ZDHHC21: variants seen among roughly 807,000 people sequenced by gnomAD.
ZDHHC21 encodes palmitoyltransferase ZDHHC21.
A neutral mutation model predicts 34.6 loss-of-function variants in ZDHHC21; 15 were observed. The observed-to-expected ratio is 0.43, with a 90% CI of 0.29 to 0.67. The LOEUF (loss-of-function observed/expected upper bound fraction) is 0.67. Ranked by LOEUF, ZDHHC21 falls within the 30% of genes least tolerant of loss-of-function variation. The pLI is 0.14. For synonymous variants in ZDHHC21, 142 were observed against 101.8 expected (o/e 1.40, Z -2.38); for missense variants, 344 against 327.7 (o/e 1.05, Z -0.38).
chr9:14,606,876 G>A (rs1823029837), downstream of ZDHHC21, among the ~76,000 whole-genome samples: 1 of 151,934 alleles, frequency 6.6e-6, no homozygotes, highest in Admixed American at 6.6e-5. Context: ...CTATTACTTT[G>A]CTACAAATTT....
In ZDHHC21 at chr9:14,629,468, T is replaced by C. The variant is rs79934824; in HGVS notation, c.622-9786A>G. Among the ~76,000 whole-genome samples the C allele has an allele frequency of 1.0e-3, 153 of 152,310 alleles. 1 individual carries two copies. The highest frequency in any genetic ancestry group is 3.5e-3 in the African/African-American group (147 of 41,562). On this transcript the variant is annotated intron_variant, in intron 8 of 9. Transcript: ENST00000380916. Reference sequence around the variant, plus strand: ...CTCGAAGATATTGCAGGTTTGGTTCTAAACAATGAAGCGAGTATTGCAATA... The same window carrying C: ...CTCGAAGATATTGCAGGTTTGGTTCCAAACAATGAAGCGAGTATTGCAATA...
At chr9:14,597,966 G>A in the ZDHHC21 span, among the ~76,000 whole-genome samples, 1 of 152,108 alleles carries the variant, frequency 6.6e-6, no homozygotes, top group African/African-American at 2.4e-5. Context: ...TGCCTGCCCA[G>A]CTCACTGCCA....
the ZDHHC21 span, among the ~76,000 whole-genome samples, chr9:14,605,537 T>C: frequency 6.6e-6 from 1 of 151,444 alleles, no homozygotes; most frequent in Non-Finnish European, 1.5e-5. Flanking sequence ...AGTCTTTATA[T>C]GGATTTTTTT....
At chr9:14,606,800 A>G (rs1414452384), downstream of ZDHHC21, among the ~76,000 whole-genome samples, 4 of 152,162 alleles carry the variant, frequency 2.6e-5, no homozygotes, top group Non-Finnish European at 5.9e-5. Context: ...TTTGACAAGC[A>G]AAGGTAACCT....
Position 14,680,162 on chromosome 9 carries a change from C to A in ZDHHC21, c.-175G>T, listed in dbSNP as rs901853373. The A allele has an allele frequency of 2.0e-5, 3 of 152,228 alleles. No homozygotes were observed. Among genetic ancestry groups the A allele is most frequent in the African/African-American group, 7.3e-5 (3 of 41,348 alleles). The allele number at this position is 152,228 out of a possible 1,614,324, so 9.4% of individuals were successfully genotyped here. A position where few individuals can be genotyped will look rare whatever the true frequency, so the allele number is the denominator to read the frequency against. On this transcript the variant is annotated splice_region_variant and 5_prime_UTR_variant, in exon 3 of 10. Coordinates refer to ENST00000380916, the MANE Select transcript of ZDHHC21 (RefSeq NM_178566.6). The stretch of plus-strand genomic sequence containing the variant: ...CTTCAATAACAGTTCTCCATGAGAA[C>A]CTATTCATGGTTTAACAAACAATGA...
chr9:14,610,729 T>C (rs1823187791), downstream of ZDHHC21, among the ~76,000 whole-genome samples: 1 of 151,960 alleles, frequency 6.6e-6, no homozygotes, highest in African/African-American at 2.4e-5. Context: ...AAGTAAATTA[T>C]TCCCCTCAAG....
rs1228561518 is a variant in ZDHHC21 at position 14,613,633 on chromosome 9, AACG to A, written c.*5330_*5332del. ...AAAATCAGTGTTGAACTGTTATAAG[AACG>A]ACATTACATGTTACAGATATTCAAA... On this transcript the variant is annotated 3_prime_UTR_variant, in exon 10 of 10. Transcript: ENST00000380916. The A allele has an allele frequency of 6.6e-6, 1 of 151,856 alleles. No homozygotes were observed. Among genetic ancestry groups the A allele is most frequent in the Non-Finnish European group, 1.5e-5 (1 of 67,808 alleles). The allele number at this position is 151,856 out of a possible 1,614,324, so 9.4% of individuals were successfully genotyped here. A position where few individuals can be genotyped will look rare whatever the true frequency, so the allele number is the denominator to read the frequency against.
At chr9:14,627,620 A>T (rs1826501235) in intron 8 of ZDHHC21, among the ~76,000 whole-genome samples, 1 of 152,190 alleles carries the variant, frequency 6.6e-6, no homozygotes, top group African/African-American at 2.4e-5. Context: ...TAAACTCCAC[A>T]GAGCCCAGAA....
intron 5 of ZDHHC21, among the ~76,000 whole-genome samples, chr9:14,663,493 AT>A (rs35050957): frequency 0.18 from 24,918 of 136,488 alleles, 2,360 homozygotes; most frequent in East Asian, 0.36. Flanking sequence ...CAGATTACAG[AT>A]TTTTTTTTTT....
In ZDHHC21 at chr9:14,673,767, G is replaced by T. The variant is rs537764905; in HGVS notation, c.154+420C>A. Among the ~76,000 whole-genome samples the T allele has an allele frequency of 2.6e-5, 4 of 152,106 alleles. No individual in the cohort carries two copies. The South Asian group carries it at 8.3e-4, about 32-fold the overall frequency. On this transcript the variant is annotated intron_variant, in intron 4 of 9. Coordinates refer to ENST00000380916, the MANE Select transcript of ZDHHC21 (RefSeq NM_178566.6). ...CCAATTGACTAATAACTATCCAGAA[G>T]TTCCAAGTGTTATCATAATCAACTT...
At chr9:14,682,331 A>G (rs1477651190) in intron 2 of ZDHHC21, among the ~76,000 whole-genome samples, 1 of 152,220 alleles carries the variant, frequency 6.6e-6, no homozygotes, top group African/African-American at 2.4e-5. Flanking sequence ...GCTCAAAATA[A>G]AGGGATGGAG....
chr9:14,663,542 CTTTTTTTTCT>C (rs1833789533), intron 5 of ZDHHC21, among the ~76,000 whole-genome samples: 2 of 62,914 alleles, frequency 3.2e-5, no homozygotes, highest in African/African-American at 1.3e-4. Context: ...TTTTTTTTCT[CTTTTTTTTCT>C]TCTTTTTTAA....
At position 14,617,822 on chromosome 9, in the gene ZDHHC21, T is replaced by A. The variant is rs866594127; in HGVS notation, c.*1144A>T. The A allele has an allele frequency of 3.3e-5, 5 of 151,924 alleles. No individual in the cohort carries two copies. The highest frequency in any genetic ancestry group is 9.7e-5 in the African/African-American group (4 of 41,410). The allele number at this position is 151,924 out of a possible 1,614,324, so 9.4% of individuals were successfully genotyped here. On this transcript the variant is annotated 3_prime_UTR_variant, in exon 10 of 10. Coordinates refer to ENST00000380916, the MANE Select transcript of ZDHHC21 (RefSeq NM_178566.6). ...CCTAACACTAGCTACTAGTAAAAGG[T>A]CTCTCAATGCAAATTACAGCCAGCC...
At chr9:14,692,015 T>C (rs1839229588) in intron 1 of ZDHHC21, among the ~76,000 whole-genome samples, 1 of 152,142 alleles carries the variant, frequency 6.6e-6, no homozygotes, top group Admixed American at 6.5e-5. Context: ...GTGACAGAAA[T>C]GGGACTAGAA....
chr9:14,646,787 C>T (rs964525800), intron 7 of ZDHHC21, among the ~76,000 whole-genome samples: 2 of 152,082 alleles, frequency 1.3e-5, no homozygotes, highest in Non-Finnish European at 2.9e-5. Flanking sequence ...CCAGTATTCC[C>T]TATTTCCTTG....
intron 5 of ZDHHC21, among the ~76,000 whole-genome samples, chr9:14,670,738 C>G (rs1835290870): frequency 6.6e-6 from 1 of 152,022 alleles, no homozygotes; most frequent in South Asian, 2.1e-4. Context: ...TTTCACATAT[C>G]TATATGAACA....
At chr9:14,592,465 C>T in the ZDHHC21 span, among the ~76,000 whole-genome samples, 1 of 151,970 alleles carries the variant, frequency 6.6e-6, no homozygotes, top group Non-Finnish European at 1.5e-5. Flanking sequence ...ACAGTCAGGA[C>T]CACATAGCAA....
downstream of ZDHHC21, among the ~76,000 whole-genome samples, chr9:14,606,961 TAAAA>T (rs1380060864): frequency 2.0e-5 from 3 of 151,380 alleles, no homozygotes; most frequent in African/African-American, 7.3e-5. Flanking sequence ...CTATCAAAAT[TAAAA>T]ATAAGTACAT....
intron 2 of ZDHHC21, among the ~76,000 whole-genome samples, chr9:14,684,117 A>C (rs907875389): frequency 6.6e-6 from 1 of 151,974 alleles, no homozygotes; most frequent in East Asian, 1.9e-4. Context: ...CAAAAACTGG[A>C]AGCATTCCCT....
Sources: gnomAD v4.1 joint callset for allele counts (sites outside exome capture counted in the v4.1 genomes callset) on GRCh38, gnomAD v4.1.1 for gene constraint, MANE v1.5 for transcripts, NCBI Gene and HGNC (gene_info 2026-07-23, HGNC 2026-07-21) for gene names.